The following SERPINI1 variants were observed in gnomAD, a reference collection of about 807,000 sequenced individuals.
SERPINI1 encodes the protein serpin family I member 1, also known as neuroserpin.
Under a neutral mutation model 41.1 loss-of-function variants are expected in SERPINI1, and 19 were observed. The ratio of observed to expected loss-of-function variants is 0.46; its 90% CI spans 0.32 to 0.68. SERPINI1 has a LOEUF of 0.68. Ranked by LOEUF, SERPINI1 falls within the 30% of genes least tolerant of loss-of-function variation. SERPINI1 has a pLI of 0.03. For synonymous variants in SERPINI1, 138 were observed against 156.6 expected, an observed-to-expected ratio of 0.88 and a Z score of 0.89; for missense variants, 460 against 479.2, an observed-to-expected ratio of 0.96 and a Z score of 0.37.
At chr3:167,766,493 A>G (rs1206870751) in intron 1 of SERPINI1, among the ~76,000 whole-genome samples, 1 of 152,222 alleles carries the variant, frequency 6.6e-6, no homozygotes, top group Non-Finnish European at 1.5e-5. Context: ...CGTGGGAATT[A>G]CGGGTGCTAC....
intron 1 of SERPINI1, among the ~76,000 whole-genome samples, chr3:167,748,507 G>T (rs563258658): frequency 6.3e-4 from 96 of 152,214 alleles, no homozygotes; most frequent in African/African-American, 2.2e-3. Context: ...CTGTAAACAT[G>T]GCCTTTGGTG....
intron 6 of SERPINI1, among the ~76,000 whole-genome samples, chr3:167,809,282 G>C (rs1011931288): frequency 2.6e-5 from 4 of 152,166 alleles, no homozygotes; most frequent in African/African-American, 7.2e-5. Flanking sequence ...AGAGAAATCT[G>C]TCTTACCATA....
chr3:167,789,085 T>C (rs1230731776), intron 1 of SERPINI1, 26 bp from the exon 2 acceptor site: 1 of 1,604,644 alleles, frequency 6.2e-7, no homozygotes, highest in Admixed American at 1.7e-5. Flanking sequence ...TAACTAATAA[T>C]TAATATGTAA....
chr3:167,759,185 T>A (rs998482528), intron 1 of SERPINI1, among the ~76,000 whole-genome samples: 4 of 152,118 alleles, frequency 2.6e-5, no homozygotes, highest in African/African-American at 9.7e-5. Flanking sequence ...GTTCCCATTT[T>A]ATAGACTTTG....
At chr3:167,758,737 G>A (rs906187540) in intron 1 of SERPINI1, among the ~76,000 whole-genome samples, 6 of 151,912 alleles carry the variant, frequency 3.9e-5, no homozygotes, top group Admixed American at 1.3e-4. Context: ...AAATTTAAAC[G>A]AGGTCTATAG....
At chr3:167,768,980 T>TTTTGTTTGTTTGTTTGTTTG (rs58300423) in intron 1 of SERPINI1, among the ~76,000 whole-genome samples, 2 of 150,130 alleles carry the variant, frequency 1.3e-5, no homozygotes, top group African/African-American at 4.9e-5. Flanking sequence ...AATTTTGTTC[T>TTTTGTTTGTTTGTTTGTTTG]TTTGTTTGTT....
intron 6 of SERPINI1, among the ~76,000 whole-genome samples, chr3:167,811,185 T>C (rs1354782282): frequency 6.6e-6 from 1 of 151,234 alleles, no homozygotes; most frequent in Non-Finnish European, 1.5e-5. Context: ...GTGTTTTTAT[T>C]GGCATCTAGA....
intron 1 of SERPINI1, among the ~76,000 whole-genome samples, chr3:167,774,586 T>C (rs982508413): frequency 6.6e-5 from 10 of 152,080 alleles, no homozygotes; most frequent in Admixed American, 1.3e-4. Context: ...AGGAGGTGAA[T>C]GGTGGGCAAG....
At chr3:167,764,273 T>C (rs1049463118) in intron 1 of SERPINI1, among the ~76,000 whole-genome samples, 1 of 152,082 alleles carries the variant, frequency 6.6e-6, no homozygotes, top group Non-Finnish European at 1.5e-5. Context: ...TGCTGATCAA[T>C]TCATACCCAA....
At chr3:167,777,470 G>T (rs577436509) in intron 1 of SERPINI1, among the ~76,000 whole-genome samples, 1 of 152,086 alleles carries the variant, frequency 6.6e-6, no homozygotes, top group Non-Finnish European at 1.5e-5. Flanking sequence ...AGAGGTTATT[G>T]TAGTTGTGAA....
At chr3:167,817,358 C>T (rs1316794177) in intron 6 of SERPINI1, among the ~76,000 whole-genome samples, 3 of 152,038 alleles carry the variant, frequency 2.0e-5, no homozygotes, top group African/African-American at 7.2e-5. Flanking sequence ...AAAATATCCA[C>T]AGATGAGTTT....
chr3:167,809,326 C>T (rs948740454), intron 6 of SERPINI1, among the ~76,000 whole-genome samples: 1 of 152,158 alleles, frequency 6.6e-6, no homozygotes, highest in African/African-American at 2.4e-5. Context: ...TTACATTGTA[C>T]TTTCTTAACG....
chr3:167,792,403 A>AGAGTGT (rs1727556446), intron 3 of SERPINI1, among the ~76,000 whole-genome samples, 187 bp from the exon 4 acceptor site: 1 of 151,168 alleles, frequency 6.6e-6, no homozygotes, highest in African/African-American at 2.4e-5. Flanking sequence ...ATATATATGT[A>AGAGTGT]GTGTGTGTGT....
chr3:167,807,165 C>T lies in SERPINI1; in HGVS notation c.882-79C>T, dbSNP rs183269932. On this transcript the variant is annotated intron_variant, in intron 5 of 8. Coordinates refer to ENST00000446050, the MANE Select transcript of SERPINI1 (RefSeq NM_001122752.2). ...TCTCCATAAAGCAGACTTTAAATAT[C>T]CACATATCTAACACTTTGTTCTTGT... is the stretch of plus-strand genomic sequence containing the variant. 29 of 967,626 alleles carry T rather than the reference C, an allele frequency of 3.0e-5. 1 individual carries two copies. In the Admixed American group the frequency reaches 5.0e-4, roughly 17 times the overall value. 59.9% of individuals were successfully genotyped at this position (967,626 alleles called of 1,614,324 possible).
intron 1 of SERPINI1, among the ~76,000 whole-genome samples, chr3:167,741,691 T>C (rs1338940700): frequency 1.3e-5 from 2 of 152,254 alleles, no homozygotes; most frequent in Non-Finnish European, 2.9e-5. Context: ...CGAAGCAATT[T>C]AGAATCATTG....
intron 1 of SERPINI1, among the ~76,000 whole-genome samples, chr3:167,754,510 A>G (rs1302835734): frequency 6.6e-6 from 1 of 152,224 alleles, no homozygotes; most frequent in Non-Finnish European, 1.5e-5. Context: ...TACACTGTTC[A>G]AATTTGAATA....
intron 6 of SERPINI1, among the ~76,000 whole-genome samples, chr3:167,816,288 A>C (rs1308650520): frequency 6.6e-6 from 1 of 151,898 alleles, no homozygotes; most frequent in Non-Finnish European, 1.5e-5. Flanking sequence ...CCAAGCGATC[A>C]GCCTGCCTCA....
intron 1 of SERPINI1, among the ~76,000 whole-genome samples, chr3:167,771,250 G>A (rs1726738972): frequency 6.6e-6 from 1 of 152,116 alleles, no homozygotes; most frequent in Admixed American, 6.5e-5. Flanking sequence ...TATTTATGTA[G>A]TAAGGTTGCG....
chr3:167,803,799 C>T (rs1268911304), intron 5 of SERPINI1, among the ~76,000 whole-genome samples: 3 of 152,082 alleles, frequency 2.0e-5, no homozygotes, highest in African/African-American at 7.2e-5. Flanking sequence ...GATCCATAGC[C>T]CTGCTATGCT....
Sources: allele counts gnomAD v4.1 joint callset (sites outside exome capture counted in the v4.1 genomes callset), GRCh38; gene constraint gnomAD v4.1.1; transcripts MANE v1.5; gene names NCBI Gene and HGNC (gene_info 2026-07-23, HGNC 2026-07-21).